The following RBFOX1 variants were observed in gnomAD, a reference collection of about 807,000 sequenced individuals.
The protein encoded by RBFOX1 is RNA binding fox-1 homolog 1, also known as RNA binding protein fox-1 homolog 1.
RBFOX1 carries 8 observed loss-of-function variants against 57.7 expected under a neutral mutation model. That is an observed-to-expected ratio of 0.14 (90% CI 0.08 to 0.25). The LOEUF (loss-of-function observed/expected upper bound fraction) is 0.25, where lower values mean the gene tolerates loss of function less well. Ranked by LOEUF, RBFOX1 falls within the 10% of genes least tolerant of loss-of-function variation. The pLI is 1.00. For synonymous variants in RBFOX1, 326 were observed against 222.4 expected, an observed-to-expected ratio of 1.47 and a Z score of -4.15; for missense variants, 611 against 548.5, an observed-to-expected ratio of 1.11 and a Z score of -1.14.
intron 2 of RBFOX1, among the ~76,000 whole-genome samples, chr16:6,328,417 C>G (rs1182301896): frequency 1.3e-5 from 2 of 151,932 alleles, no homozygotes; most frequent in Admixed American, 1.3e-4. Context: ...CTGTTCCCCC[C>G]AAAAACCGAT....
At chr16:5,827,186 G>T (rs1199174192) in intron 3 of RBFOX1, among the ~76,000 whole-genome samples, 2 of 151,954 alleles carry the variant, frequency 1.3e-5, no homozygotes, top group East Asian at 3.9e-4. Flanking sequence ...TGGATCATGA[G>T]GTCAAGAATT....
At chr16:7,198,407 G>C (rs1403255837) in intron 4 of RBFOX1, among the ~76,000 whole-genome samples, 1 of 152,172 alleles carries the variant, frequency 6.6e-6, no homozygotes, top group Non-Finnish European at 1.5e-5. Context: ...CTACTCATTT[G>C]TACACTTAAA....
intron 2 of RBFOX1, among the ~76,000 whole-genome samples, chr16:6,644,824 G>A (rs574194406): frequency 9.9e-5 from 15 of 152,242 alleles, no homozygotes; most frequent in African/African-American, 1.7e-4. Context: ...TAGACTAAGC[G>A]GAGGTGGCCT....
At chr16:5,577,963 T>A (rs2046524415) in intron 2 of RBFOX1, among the ~76,000 whole-genome samples, 1 of 53,416 alleles carries the variant, frequency 1.9e-5, no homozygotes, top group Admixed American at 2.2e-4. Context: ...GGTTTGAGGA[T>A]TTCTTTTGAG....
chr16:7,245,853 C>T (rs1161513572), intron 4 of RBFOX1, among the ~76,000 whole-genome samples: 1 of 152,164 alleles, frequency 6.6e-6, no homozygotes, highest in Non-Finnish European at 1.5e-5. Flanking sequence ...CAATTACTTT[C>T]CCCTTTGCGT....
intron 4 of RBFOX1, among the ~76,000 whole-genome samples, chr16:7,203,654 A>T (rs1293855274): frequency 6.6e-6 from 1 of 152,204 alleles, no homozygotes; most frequent in Admixed American, 6.5e-5. Flanking sequence ...CACAGCTCAG[A>T]TAGGGTCCCT....
chr16:5,348,508 G>T (rs752514146), intron 1 of RBFOX1, among the ~76,000 whole-genome samples: 1 of 152,166 alleles, frequency 6.6e-6, no homozygotes, highest in Non-Finnish European at 1.5e-5. Flanking sequence ...GTAGCAGCTT[G>T]CCCAGGAATA....
At chr16:7,403,574 C>CT (rs1491428864) in intron 4 of RBFOX1, among the ~76,000 whole-genome samples, 1 of 118,208 alleles carries the variant, frequency 8.5e-6, no homozygotes, top group Non-Finnish European at 1.9e-5. Context: ...CCCCCCCCCC[C>CT]ACTTTTTTTT....
At chr16:7,541,051 T>A (rs1466080086) in intron 5 of RBFOX1, among the ~76,000 whole-genome samples, 2 of 152,166 alleles carry the variant, frequency 1.3e-5, no homozygotes, top group Admixed American at 1.3e-4. Context: ...ATGTTTCCTT[T>A]TAGAAGCACC....
intron 3 of RBFOX1, among the ~76,000 whole-genome samples, chr16:6,993,966 A>G (rs544773915): frequency 1.3e-5 from 2 of 152,300 alleles, no homozygotes; most frequent in African/African-American, 2.4e-5. Context: ...AAGATTATGC[A>G]GGGAAGAGGG....
chr16:6,007,446 A>G (rs2094934307), intron 4 of RBFOX1, among the ~76,000 whole-genome samples: 1 of 152,180 alleles, frequency 6.6e-6, no homozygotes, highest in South Asian at 2.1e-4. Context: ...ATCCTTCTTC[A>G]GTCAGGTCTT....
At chr16:5,297,581 AGTT>A (rs1170358689) in intron 1 of RBFOX1, among the ~76,000 whole-genome samples, 2 of 151,684 alleles carry the variant, frequency 1.3e-5, no homozygotes, top group African/African-American at 4.8e-5. Flanking sequence ...TCATTTTTTG[AGTT>A]GTTTTCTTAC....
chr16:6,343,537 TC>T, intron 2 of RBFOX1, among the ~76,000 whole-genome samples: 1 of 152,228 alleles, frequency 6.6e-6, no homozygotes, highest in East Asian at 1.9e-4. Flanking sequence ...TCTCTTTCAT[TC>T]CTTCCTTCTT....
intron 3 of RBFOX1, among the ~76,000 whole-genome samples, chr16:5,823,119 T>C (rs542429206): frequency 5.6e-4 from 85 of 152,312 alleles, no homozygotes; most frequent in East Asian, 1.2e-3. Context: ...CCCTTCTGCC[T>C]ACCCATTGCC....
At chr16:5,802,148 TC>T (rs1166982656) in intron 3 of RBFOX1, among the ~76,000 whole-genome samples, 1 of 152,156 alleles carries the variant, frequency 6.6e-6, no homozygotes, top group Non-Finnish European at 1.5e-5. Flanking sequence ...GAGGTTTAAC[TC>T]CCCTTACTCC....
chr16:6,191,992 A>C (rs953354626), intron 1 of RBFOX1, among the ~76,000 whole-genome samples: 8 of 152,182 alleles, frequency 5.3e-5, no homozygotes, highest in African/African-American at 1.9e-4. Flanking sequence ...ATGGAACTAC[A>C]TCTAGTAGAT....
intron 1 of RBFOX1, among the ~76,000 whole-genome samples, chr16:6,246,971 G>T (rs961548010): frequency 6.6e-6 from 1 of 152,190 alleles, no homozygotes; most frequent in East Asian, 1.9e-4. Flanking sequence ...TTGGGAGGCT[G>T]AGACAGGAGA....
At chr16:6,648,518 C>G (rs1568036196) in intron 2 of RBFOX1, among the ~76,000 whole-genome samples, 1 of 152,104 alleles carries the variant, frequency 6.6e-6, no homozygotes. Context: ...GAGTCTAATG[C>G]CAGGAGTCTA....
chr16:7,326,748 C>A (rs894905510), intron 4 of RBFOX1, among the ~76,000 whole-genome samples: 1 of 151,956 alleles, frequency 6.6e-6, no homozygotes, highest in Admixed American at 6.6e-5. Context: ...AGCCCAGATC[C>A]CCCAGATCCA....
Sources: allele counts gnomAD v4.1 joint callset (sites outside exome capture counted in the v4.1 genomes callset), GRCh38; gene constraint gnomAD v4.1.1; transcripts MANE v1.5; gene names NCBI Gene and HGNC (gene_info 2026-07-23, HGNC 2026-07-21).